Variants in TANGO6 observed in about 807,000 individuals in gnomAD.
The protein encoded by TANGO6 is transport and golgi organization 6 homolog.
Under a neutral mutation model 114.2 loss-of-function variants are expected in TANGO6, and 90 were observed. That is an observed-to-expected ratio of 0.79 (90% CI 0.66 to 0.94). The LOEUF is 0.94. TANGO6 is among the 40% of genes least tolerant of loss of function. The probability of loss-of-function intolerance (pLI) is 0.00; values close to 1 mark genes in which losing one functional copy is unlikely to be tolerated. For synonymous variants in TANGO6, 477 were observed against 509.8 expected (o/e 0.94, Z 0.87); for missense variants, 1,274 against 1,315.3 (o/e 0.97, Z 0.49).
At chr16:69,045,935 GCA>G (rs1354735138) in intron 17 of TANGO6, among the ~76,000 whole-genome samples, 1 of 150,482 alleles carries the variant, frequency 6.6e-6, no homozygotes. Context: ...GTGGTGTCAC[GCA>G]TCTGTAATCC....
chr16:68,980,433 A>ATTTTT (rs1170142167), intron 15 of TANGO6, among the ~76,000 whole-genome samples: 12 of 80,774 alleles, frequency 1.5e-4, no homozygotes, highest in African/African-American at 5.8e-4. Context: ...ATATATATAT[A>ATTTTT]TATTTTTTTT....
At chr16:68,973,184 C>G in intron 14 of TANGO6, 1 of 455,762 alleles carries the variant, frequency 2.2e-6, no homozygotes, top group Non-Finnish European at 4.4e-6. Flanking sequence ...TTGGAGAAAC[C>G]CAAAGCAGAG....
At chr16:69,049,734 C>G (rs1301635517) in intron 17 of TANGO6, among the ~76,000 whole-genome samples, 1 of 151,856 alleles carries the variant, frequency 6.6e-6, no homozygotes, top group Non-Finnish European at 1.5e-5. Flanking sequence ...GCCACTATGT[C>G]TGGCTTTTTT....
chr16:69,081,104 C>T (rs1960458362), intron 17 of TANGO6, among the ~76,000 whole-genome samples: 1 of 152,126 alleles, frequency 6.6e-6, no homozygotes, highest in African/African-American at 2.4e-5. Context: ...CGCCACTGCA[C>T]TCCAGCCTGA....
chr16:69,076,911 C>T (rs1351800445), intron 17 of TANGO6, among the ~76,000 whole-genome samples: 1 of 152,124 alleles, frequency 6.6e-6, no homozygotes, highest in African/African-American at 2.4e-5. Context: ...GCAGGAGAAT[C>T]GCTTGAACAC....
Position 68,927,597 on chromosome 16 carries a change from G to A in TANGO6, c.2157G>A (p.Lys719=). 2 of 1,613,716 alleles carry A rather than the reference G, an allele frequency of 1.2e-6. No individual in the cohort carries two copies. The highest frequency in any genetic ancestry group is 1.7e-6 in the Non-Finnish European group (2 of 1,179,718). ...AGTCAAGTGATTTTGCTGTTCTGAA[G>A]CAGTTGTTGCCTCTGTTGGAGAAGG... ...QLKSSDFAVL[K]QLLPLLEKVS... Residue 719 remains lysine (K), a synonymous_variant, in exon 13 of 18, where the codon AAG becomes AAA. Coordinates refer to ENST00000261778, the MANE Select transcript of TANGO6 (RefSeq NM_024562.2).
intron 15 of TANGO6, among the ~76,000 whole-genome samples, chr16:69,008,486 A>G (rs1176700555): frequency 1.3e-5 from 2 of 152,094 alleles, no homozygotes; most frequent in African/African-American, 2.4e-5. Context: ...GCCTCAAGCA[A>G]TCCTCCCACT....
chr16:68,973,047 G>A (rs1282416336), intron 14 of TANGO6: 1 of 448,462 alleles, frequency 2.2e-6, no homozygotes, highest in Non-Finnish European at 4.5e-6. Flanking sequence ...CTCATATTCA[G>A]GGAAGAAGGG....
At chr16:68,987,530 G>A (rs764947910) in intron 15 of TANGO6, among the ~76,000 whole-genome samples, 2 of 152,020 alleles carry the variant, frequency 1.3e-5, no homozygotes, top group African/African-American at 2.4e-5. Flanking sequence ...CACCATGCCC[G>A]GCCAACTTTT....
chr16:68,989,011 A>T (rs1963923220), intron 15 of TANGO6, among the ~76,000 whole-genome samples: 1 of 152,058 alleles, frequency 6.6e-6, no homozygotes, highest in Non-Finnish European at 1.5e-5. Flanking sequence ...CTACAGGTGC[A>T]TGCCAACACA....
rs1175514314 is a variant in TANGO6, at chr16:68,977,681, C to T, written c.2842+3513C>T. On this transcript the variant is annotated intron_variant, in intron 15 of 17. Coordinates refer to ENST00000261778, the MANE Select transcript of TANGO6 (RefSeq NM_024562.2). ...TTTCACCACTGCAACGCCAGCCTGG[C>T]AACAGAGCCAGATTCCGTCTCAAAA... 3.3e-5 allele frequency among the ~76,000 whole-genome samples: 5 copies of T among 150,180 alleles called. 1 individual carries two copies. Among genetic ancestry groups the T allele is most frequent in the Admixed American group, 2.0e-4 (3 of 15,066 alleles).
intron 14 of TANGO6, among the ~76,000 whole-genome samples, chr16:68,962,358 T>A (rs1431789438): frequency 6.6e-6 from 1 of 152,222 alleles, no homozygotes; most frequent in Non-Finnish European, 1.5e-5. Context: ...TTCTCTTTTC[T>A]TAATCAGGAG....
chr16:68,926,099 T>C (rs1417833384), intron 12 of TANGO6, among the ~76,000 whole-genome samples: 1 of 151,858 alleles, frequency 6.6e-6, no homozygotes, highest in Non-Finnish European at 1.5e-5. Flanking sequence ...CCAAATAGAC[T>C]GTAGGTAAAT....
At chr16:68,879,226 C>T (rs1203984725) in intron 6 of TANGO6, among the ~76,000 whole-genome samples, 1 of 151,704 alleles carries the variant, frequency 6.6e-6, no homozygotes, top group Admixed American at 6.6e-5. Context: ...CTGCTTCAGC[C>T]TCCCAAAGTG....
chr16:68,911,314 T>C (rs1225771751), intron 11 of TANGO6, among the ~76,000 whole-genome samples: 1 of 152,088 alleles, frequency 6.6e-6, no homozygotes, highest in East Asian at 1.9e-4. Flanking sequence ...TTTATTTTTC[T>C]CTTTTTAAAA....
At chr16:68,939,099 A>C (rs1804643833) in intron 14 of TANGO6, among the ~76,000 whole-genome samples, 1 of 150,634 alleles carries the variant, frequency 6.6e-6, no homozygotes, top group South Asian at 2.1e-4. Flanking sequence ...AAAGCAAACA[A>C]CAATAACAAC....
intron 14 of TANGO6, among the ~76,000 whole-genome samples, chr16:68,957,455 T>C (rs1963543441): frequency 6.7e-6 from 1 of 150,324 alleles, no homozygotes; most frequent in Non-Finnish European, 1.5e-5. Flanking sequence ...TGGAGTGCAG[T>C]GGTGCGATTT....
chr16:68,888,576 A>G (rs1207429714), intron 7 of TANGO6, among the ~76,000 whole-genome samples: 1 of 152,166 alleles, frequency 6.6e-6, no homozygotes, highest in Non-Finnish European at 1.5e-5. Context: ...CTCCATTCTC[A>G]TTTCCATTTT....
chr16:68,973,928 T>A, intron 14 of TANGO6, 100 bp from the exon 15 acceptor site: 1 of 1,380,844 alleles, frequency 7.2e-7, no homozygotes, highest in Non-Finnish European at 1.0e-6. Flanking sequence ...TTAGAGATGG[T>A]TTTCAGCATC....
Sources: gnomAD v4.1 joint callset for allele counts (sites outside exome capture counted in the v4.1 genomes callset) on GRCh38, gnomAD v4.1.1 for gene constraint, MANE v1.5 for transcripts, NCBI Gene and HGNC (gene_info 2026-07-23, HGNC 2026-07-21) for gene names.